The following DLGAP2 variants were observed in gnomAD, a reference collection of about 807,000 sequenced individuals.
DLGAP2 encodes DLG associated protein 2.
DLGAP2 carries 26 observed loss-of-function variants against 100.3 expected under a neutral mutation model. That is an observed-to-expected ratio of 0.26 (90% confidence interval 0.19 to 0.36). DLGAP2 has a LOEUF of 0.36. Ranked by LOEUF, DLGAP2 falls within the 10% of genes least tolerant of loss-of-function variation. The pLI, the probability that DLGAP2 is intolerant of heterozygous loss-of-function variation, is 1.00. For synonymous variants in DLGAP2, 886 were observed against 630.1 expected (o/e 1.41, Z -6.08); for missense variants, 1,858 against 1,453.2 (o/e 1.28, Z -4.53).
intron 3 of DLGAP2, among the ~76,000 whole-genome samples, chr8:1,368,170 ATGTG>A (rs149829452): frequency 6.6e-5 from 10 of 152,048 alleles, no homozygotes; most frequent in East Asian, 3.9e-4. Flanking sequence ...ATACGTGTGC[ATGTG>A]TGTGTGTATG....
Position 1,616,142 on chromosome 8 carries a change from A to G in DLGAP2, c.1443-10598A>G, listed in dbSNP as rs183007581. Reference sequence around the variant, plus strand: ...ATTTATGGGATGTGTTTAAGAGCGAATTGAGAGAGCAGGAAAAAAGCTTAG... The same window carrying G: ...ATTTATGGGATGTGTTTAAGAGCGAGTTGAGAGAGCAGGAAAAAAGCTTAG... On this transcript the variant is annotated intron_variant, in intron 6 of 14. Transcript: ENST00000637795. Among the ~76,000 whole-genome samples, 474 of 152,308 alleles carry G rather than the reference A, an allele frequency of 3.1e-3. 7 individuals are homozygous for G. The highest frequency in any genetic ancestry group is 0.011 in the African/African-American group (458 of 41,588).
rs892180085 is a variant in DLGAP2 at position 1,702,347 on chromosome 8, T to A, written c.*941T>A. 7.0e-6 allele frequency: 1 copy of A among 142,486 alleles called. No individual in the cohort carries two copies. Among genetic ancestry groups the A allele is most frequent in the Non-Finnish European group, 1.5e-5 (1 of 64,640 alleles). 8.8% of individuals were successfully genotyped at this position (142,486 alleles called of 1,614,324 possible). On this transcript the variant is annotated 3_prime_UTR_variant, in exon 15 of 15. Transcript: ENST00000637795. ...TTCTCAAATTGCTCTATCAGCTGAC[T>A]TTTCAGGGTATCCTTAAAAAAAAAC...
In DLGAP2 at chr8:1,644,265, G is replaced by C. The variant is rs145562991; in HGVS notation, c.1810+11219G>C. On this transcript the variant is annotated intron_variant, in intron 8 of 14. Transcript: ENST00000637795. ...TGCTAAAAAGGCAGCCTGACCCTAAGCCCGCCCGACCAAGAGCCTCGTCTC... is the reference window on the plus strand; with the variant it reads ...TGCTAAAAAGGCAGCCTGACCCTAACCCCGCCCGACCAAGAGCCTCGTCTC... Among the ~76,000 whole-genome samples, 820 of 152,220 alleles carry C rather than the reference G, an allele frequency of 5.4e-3. 9 individuals are homozygous for C. Among genetic ancestry groups the C allele is most frequent in the African/African-American group, 0.016 (662 of 41,502 alleles).
chr8:1,225,902 A>G (rs1046341067), intron 2 of DLGAP2, among the ~76,000 whole-genome samples: 1 of 152,246 alleles, frequency 6.6e-6, no homozygotes, highest in African/African-American at 2.4e-5. Flanking sequence ...TAATGTATGC[A>G]TATATCAAAA....
chr8:1,657,959 T>TATG (rs1798321219), intron 8 of DLGAP2, among the ~76,000 whole-genome samples: 1 of 152,060 alleles, frequency 6.6e-6, no homozygotes, highest in Non-Finnish European at 1.5e-5. Flanking sequence ...AGAAAAGACT[T>TATG]CCTTATGCTG....
chr8:1,196,976 G>T (rs775825541), intron 2 of DLGAP2, among the ~76,000 whole-genome samples: 18 of 152,148 alleles, frequency 1.2e-4, no homozygotes, highest in Non-Finnish European at 2.4e-4. Context: ...GGAAGCCAGA[G>T]GTGTGATTAA....
At chr8:1,176,712 G>A (rs1477427193) in intron 2 of DLGAP2, among the ~76,000 whole-genome samples, 1 of 152,158 alleles carries the variant, frequency 6.6e-6, no homozygotes, top group Non-Finnish European at 1.5e-5. Flanking sequence ...CTGCCATGCT[G>A]CCTGTTGTGC....
chr8:1,336,184 A>G (rs1485630570), intron 3 of DLGAP2, among the ~76,000 whole-genome samples: 3 of 152,264 alleles, frequency 2.0e-5, no homozygotes, highest in Non-Finnish European at 4.4e-5. Context: ...GCATTAAATA[A>G]TGTATTCAAT....
At chr8:1,449,667 G>C (rs1442968393) in intron 3 of DLGAP2, among the ~76,000 whole-genome samples, 1 of 152,196 alleles carries the variant, frequency 6.6e-6, no homozygotes, top group African/African-American at 2.4e-5. Context: ...AAAGGTCAAG[G>C]CTTCAGCAGA....
At chr8:1,693,825 A>G (rs1799313195) in intron 13 of DLGAP2, among the ~76,000 whole-genome samples, 1 of 152,240 alleles carries the variant, frequency 6.6e-6, no homozygotes. Context: ...GTGCCTCGAA[A>G]GAAGCCTGTA....
chr8:842,240 C>T (rs953675945), intron 1 of DLGAP2, among the ~76,000 whole-genome samples: 2 of 152,170 alleles, frequency 1.3e-5, no homozygotes, highest in Non-Finnish European at 2.9e-5. Flanking sequence ...TTCTTCAAAA[C>T]ATATTCATGG....
At chr8:786,400 T>C (rs1423270709) in intron 1 of DLGAP2, among the ~76,000 whole-genome samples, 1 of 152,178 alleles carries the variant, frequency 6.6e-6, no homozygotes, top group East Asian at 1.9e-4. Context: ...AGCCACCATT[T>C]TCGTCGATTC....
chr8:1,204,446 G>C (rs1006162431), intron 2 of DLGAP2, among the ~76,000 whole-genome samples: 4 of 152,246 alleles, frequency 2.6e-5, no homozygotes, highest in Admixed American at 6.5e-5. Context: ...CAGGCTGACC[G>C]TGTAATGACC....
chr8:1,194,791 C>T (rs1029937200), intron 2 of DLGAP2, among the ~76,000 whole-genome samples: 1 of 152,206 alleles, frequency 6.6e-6, no homozygotes, highest in Non-Finnish European at 1.5e-5. Flanking sequence ...CTACAGAAGT[C>T]TCTTATCGTC....
chr8:1,407,748 T>A (rs1469399681), intron 3 of DLGAP2, among the ~76,000 whole-genome samples: 1 of 142,030 alleles, frequency 7.0e-6, no homozygotes, highest in Non-Finnish European at 1.5e-5. Flanking sequence ...CTCGTCATCC[T>A]CCAGAGTCGT....
intron 8 of DLGAP2, among the ~76,000 whole-genome samples, chr8:1,645,690 G>A (rs1207868903): frequency 1.3e-5 from 2 of 152,152 alleles, no homozygotes; most frequent in African/African-American, 2.4e-5. Flanking sequence ...TACCTTAAAA[G>A]GTTGTAATTT....
intron 2 of DLGAP2, among the ~76,000 whole-genome samples, chr8:1,143,643 G>C (rs1323233979): frequency 6.6e-6 from 1 of 152,164 alleles, no homozygotes; most frequent in Non-Finnish European, 1.5e-5. Flanking sequence ...GCTTCAGAAC[G>C]GGCCTCTCCT....
intron 1 of DLGAP2, among the ~76,000 whole-genome samples, chr8:876,184 T>G (rs2090294930): frequency 1.3e-5 from 2 of 152,338 alleles, no homozygotes; most frequent in Non-Finnish European, 2.9e-5. Flanking sequence ...GAAAATATGT[T>G]AATACAGTCT....
intron 8 of DLGAP2, among the ~76,000 whole-genome samples, chr8:1,655,045 A>G (rs988429718): frequency 2.0e-5 from 3 of 152,234 alleles, no homozygotes; most frequent in African/African-American, 7.2e-5. Context: ...TACTGTCTAC[A>G]TGTTAAATGC....
Sources: gnomAD v4.1 joint callset for allele counts (sites outside exome capture counted in the v4.1 genomes callset) on GRCh38, gnomAD v4.1.1 for gene constraint, MANE v1.5 for transcripts, NCBI Gene and HGNC (gene_info 2026-07-23, HGNC 2026-07-21) for gene names.